Variants in PLEKHG4B observed in about 807,000 individuals in gnomAD.
PLEKHG4B encodes pleckstrin homology domain-containing family G member 4B.
Under a neutral mutation model 121.3 loss-of-function variants are expected in PLEKHG4B, and 111 were observed. That is an observed-to-expected ratio of 0.92 (90% confidence interval 0.78 to 1.07). The LOEUF (loss-of-function observed/expected upper bound fraction) is 1.07, where lower values mean the gene tolerates loss of function less well. PLEKHG4B is among the 50% of genes least tolerant of loss of function. The probability of loss-of-function intolerance (pLI) is 0.00; values close to 1 mark genes in which losing one functional copy is unlikely to be tolerated. For synonymous variants in PLEKHG4B, 738 were observed against 725.0 expected (o/e 1.02, Z -0.29); for missense variants, 1,831 against 1,757.8 (o/e 1.04, Z -0.74).
intron 8 of PLEKHG4B, 98 bp downstream of exon 8, chr5:155,089 C>G: frequency 9.5e-7 from 1 of 1,053,522 alleles, no homozygotes; most frequent in Non-Finnish European, 1.4e-6. Context: ...ATCACCGTCC[C>G]TGATCTGATG....
At chr5:166,405 A>G (rs369727273) in intron 13 of PLEKHG4B, among the ~76,000 whole-genome samples, 699 of 28,848 alleles carry the variant, frequency 0.024, no homozygotes, top group African/African-American at 0.029. Flanking sequence ...GACGGGGCGG[A>G]GCTCACACTA....
rs182958883 is a variant in PLEKHG4B, at chr5:175,210, C to T, written c.4402+1112C>T. Among the ~76,000 whole-genome samples, 506 of 152,168 alleles carry T rather than the reference C, an allele frequency of 3.3e-3. 8 individuals carry two copies. The Middle Eastern group carries it at 0.034, about 10-fold the overall frequency. On this transcript the variant is annotated intron_variant, in intron 18 of 19. Transcript: ENST00000637938. ...GGCCCTGGGAGGCTGAGCTCATGGT[C>T]AGCCCTCAGTCTTCCTGCAGGTGAG... is the stretch of plus-strand genomic sequence containing the variant.
At chr5:175,488 C>A (rs1736732954) in intron 18 of PLEKHG4B, among the ~76,000 whole-genome samples, 1 of 152,148 alleles carries the variant, frequency 6.6e-6, no homozygotes, top group Non-Finnish European at 1.5e-5. Flanking sequence ...CCACTGTAAA[C>A]CCAGCTGTCC....
In PLEKHG4B at chr5:187,381, C is replaced by T. The variant is rs1007132792; in HGVS notation, c.*5058C>T. On this transcript the variant is annotated 3_prime_UTR_variant, in exon 20 of 20. Coordinates refer to ENST00000637938, the MANE Select transcript of PLEKHG4B (RefSeq NM_052909.5). ...TCCATCCCCGGTTCTGGGGAGATGC[C>T]CGGGCCCCTCCTGGATGGCAGCAGC... is the stretch of plus-strand genomic sequence containing the variant. 3 of 152,344 alleles carry T rather than the reference C, an allele frequency of 2.0e-5. No homozygotes were observed. Among genetic ancestry groups the T allele is most frequent in the African/African-American group, 7.2e-5 (3 of 41,406 alleles). The allele number at this position is 152,344 out of a possible 1,614,324, so 9.4% of individuals were successfully genotyped here. A position where few individuals can be genotyped will look rare whatever the true frequency, so the allele number is the denominator to read the frequency against.
Position 137,612 on chromosome 5 carries a change from G to A in PLEKHG4B, c.244-1871G>A, listed in dbSNP as rs946863872. Among the ~76,000 whole-genome samples, 1 of 152,202 alleles carries A rather than the reference G, an allele frequency of 6.6e-6. No homozygotes were observed. The highest frequency in any genetic ancestry group is 6.5e-5 in the Admixed American group (1 of 15,286). On this transcript the variant is annotated intron_variant, in intron 2 of 19. Transcript: ENST00000637938. This position sits in a 1 kb window ranked among gnomAD's most constrained non-coding sequence, Gnocchi z 4.2. ...TAGAGACCTGTAGACCCCTGTGGGA[G>A]GGCAAAAGGCATGAAAGGCTCCAAC...
intron 1 of PLEKHG4B, among the ~76,000 whole-genome samples, chr5:105,787 A>G (rs1733959137): frequency 1.3e-5 from 2 of 151,982 alleles, no homozygotes; most frequent in Admixed American, 1.3e-4. Context: ...TTTTCTACCT[A>G]ATGGTTTTCA....
At position 181,590 on chromosome 5, in the gene PLEKHG4B, C is replaced by T. The variant is rs746625061; in HGVS notation, c.4479C>T (p.Thr1493=). Residue 1493 remains threonine (T), a synonymous_variant, in exon 19 of 20, where the codon ACC becomes ACT. Coordinates refer to ENST00000637938, the MANE Select transcript of PLEKHG4B (RefSeq NM_052909.5). Reference sequence around the variant, plus strand: ...TGGATGTCAAGCCCAGAGACCGGACCCCTGACTGTGCAGTGATAAGCGACC... The same window carrying T: ...TGGATGTCAAGCCCAGAGACCGGACTCCTGACTGTGCAGTGATAAGCGACC... ...PFMDVKPRDR[T]PDCAVISDRA... The T allele has an allele frequency of 3.4e-5, 55 of 1,614,012 alleles. 1 individual carries two copies. The highest frequency in any genetic ancestry group is 3.3e-4 in the Middle Eastern group (2 of 6,084).
chr5:169,979 T>C (rs1247091059), intron 14 of PLEKHG4B, among the ~76,000 whole-genome samples: 1 of 152,178 alleles, frequency 6.6e-6, no homozygotes, highest in Non-Finnish European at 1.5e-5. Context: ...CCCCTGCCCC[T>C]GGATGCCCCA....
At chr5:155,021 C>G (rs772278821) in intron 8 of PLEKHG4B, 30 bp downstream of exon 8, 1 of 1,549,164 alleles carries the variant, frequency 6.5e-7, no homozygotes, top group Admixed American at 1.7e-5. Context: ...GCTGCACATG[C>G]GACAGTCTCT....
chr5:135,704 T>TATATATATAC (rs1734962034), intron 2 of PLEKHG4B, among the ~76,000 whole-genome samples: 1 of 91,418 alleles, frequency 1.1e-5, no homozygotes, highest in African/African-American at 5.5e-5. Context: ...TATATATATA[T>TATATATATAC]ATATATATAT....
At position 182,654 on chromosome 5, in the gene PLEKHG4B, G is replaced by A. The variant is rs1425442464; in HGVS notation, c.*331G>A. 4 of 293,860 alleles carry A rather than the reference G, an allele frequency of 1.4e-5. No homozygotes were observed. Among genetic ancestry groups the A allele is most frequent in the African/African-American group, 6.4e-5 (3 of 46,936 alleles). The allele number at this position is 293,860 out of a possible 1,614,324, so 18.2% of individuals were successfully genotyped here. A position where few individuals can be genotyped will look rare whatever the true frequency, so the allele number is the denominator to read the frequency against. Reference sequence around the variant, plus strand: ...AAGACATTTGGCAACAAAGGACCGCGATCCCTGAGAGACAGGAAAACGGGA... The same window carrying A: ...AAGACATTTGGCAACAAAGGACCGCAATCCCTGAGAGACAGGAAAACGGGA... On this transcript the variant is annotated 3_prime_UTR_variant, in exon 20 of 20. Transcript: ENST00000637938.
chr5:162,484 A>G (rs932354783), intron 12 of PLEKHG4B, among the ~76,000 whole-genome samples: 2 of 152,232 alleles, frequency 1.3e-5, no homozygotes, highest in East Asian at 1.9e-4. Context: ...ACGTGGTCCT[A>G]GGACATCCCC....
At chr5:140,787 C>G (rs1319756619) in intron 3 of PLEKHG4B, 71 bp downstream of exon 3, 2 of 1,311,300 alleles carry the variant, frequency 1.5e-6, no homozygotes, top group African/African-American at 3.4e-5. Context: ...TCTCCCCCTG[C>G]ACACCCCACC....
chr5:95,402 T>A (rs1264245537), intron 1 of PLEKHG4B, among the ~76,000 whole-genome samples: 10 of 152,104 alleles, frequency 6.6e-5, no homozygotes, highest in Non-Finnish European at 1.5e-5. Context: ...TCACCCTGCC[T>A]TCATCATCAG....
At chr5:167,022 G>A (rs1282308308) in intron 13 of PLEKHG4B, among the ~76,000 whole-genome samples, 3 of 152,174 alleles carry the variant, frequency 2.0e-5, no homozygotes, top group Admixed American at 1.3e-4. Flanking sequence ...TTTCAGGTTT[G>A]GGGGGCAGCA....
chr5:129,979 C>G (rs1385872988), intron 2 of PLEKHG4B, among the ~76,000 whole-genome samples: 2 of 152,048 alleles, frequency 1.3e-5, no homozygotes, highest in East Asian at 3.9e-4. Context: ...GTCACACATG[C>G]TCATAGGTCA....
chr5:181,849 G>A (rs775888812), intron 19 of PLEKHG4B, among the ~76,000 whole-genome samples, 155 bp from the exon 20 acceptor site: 12 of 152,260 alleles, frequency 7.9e-5, no homozygotes, highest in Non-Finnish European at 1.5e-4. Flanking sequence ...ATCCTGCAGA[G>A]GGCACTGGGC....
Position 139,127 on chromosome 5 carries a change from C to T in PLEKHG4B, c.244-356C>T, listed in dbSNP as rs1487531911. On this transcript the variant is annotated intron_variant, in intron 2 of 19. Transcript: ENST00000637938. This position sits in a 1 kb window ranked among gnomAD's most constrained non-coding sequence, Gnocchi z 5.0. The stretch of plus-strand genomic sequence containing the variant: ...CAGGGGCAAGTGTGGACGCCCGGCC[C>T]CTTGCCCAGGCTGGGACCACTCTGA... Among the ~76,000 whole-genome samples the T allele has an allele frequency of 6.6e-6, 1 of 152,176 alleles. No individual in the cohort carries two copies. Among genetic ancestry groups the T allele is most frequent in the East Asian group, 1.9e-4 (1 of 5,184 alleles).
rs1432578352 is a variant in PLEKHG4B at position 113,761 on chromosome 5, G to A, written c.243+313G>A. Among the ~76,000 whole-genome samples, 1 of 152,212 alleles carries A rather than the reference G, an allele frequency of 6.6e-6. No homozygotes were observed. Among genetic ancestry groups the A allele is most frequent in the Non-Finnish European group, 1.5e-5 (1 of 68,040 alleles). On this transcript the variant is annotated intron_variant, in intron 2 of 19. Transcript: ENST00000637938. The surrounding 1 kb of genome is among the most constrained non-coding windows in gnomAD (Gnocchi z 5.2). ...ATCTCAGAACTAAGTTACTACAGCA[G>A]TCACAATGCCGGCCCACCTGGAAGG...
Sources: gnomAD v4.1 joint callset for allele counts (sites outside exome capture counted in the v4.1 genomes callset) on GRCh38, gnomAD v4.1.1 for gene constraint, Gnocchi (gnomAD v3.1) non-coding constraint, MANE v1.5 for transcripts, NCBI Gene and HGNC (gene_info 2026-07-23, HGNC 2026-07-21) for gene names.